The following GRM8 variants were observed in gnomAD, a reference collection of about 807,000 sequenced individuals.
GRM8 encodes the protein glutamate metabotropic receptor 8.
Under a neutral mutation model 87.2 loss-of-function variants are expected in GRM8, and 47 were observed. The observed-to-expected ratio is 0.54, with a 90% confidence interval of 0.43 to 0.69. The LOEUF is 0.69. Ranked by LOEUF, GRM8 falls within the 30% of genes least tolerant of loss-of-function variation. The pLI, the probability that GRM8 is intolerant of heterozygous loss-of-function variation, is 0.00. For synonymous variants in GRM8, 396 were observed against 404.5 expected (o/e 0.98, Z 0.25); for missense variants, 1,019 against 1,139.2 (o/e 0.89, Z 1.52).
At chr7:126,866,050 G>A (rs1242102483) in intron 6 of GRM8, among the ~76,000 whole-genome samples, 2 of 152,164 alleles carry the variant, frequency 1.3e-5, no homozygotes, top group Admixed American at 6.5e-5. Context: ...TGCCAGCAAC[G>A]TAGGACATTT....
chr7:126,951,788 A>T (rs1243595162), intron 3 of GRM8, among the ~76,000 whole-genome samples: 1 of 152,064 alleles, frequency 6.6e-6, no homozygotes, highest in Admixed American at 6.6e-5. Flanking sequence ...AAAAGCTAAA[A>T]GTGAACCCTG....
At chr7:126,886,201 C>T (rs1800482352) in intron 6 of GRM8, among the ~76,000 whole-genome samples, 1 of 152,072 alleles carries the variant, frequency 6.6e-6, no homozygotes, top group South Asian at 2.1e-4. Context: ...TGAGCTTCCC[C>T]ACATTATTGC....
intron 2 of GRM8, among the ~76,000 whole-genome samples, chr7:127,201,765 T>C (rs948898029): frequency 6.6e-6 from 1 of 152,108 alleles, no homozygotes; most frequent in Non-Finnish European, 1.5e-5. Context: ...TGAGTACCAA[T>C]AGGGTGAAGT....
At chr7:126,867,654 A>C (rs1198524420) in intron 6 of GRM8, among the ~76,000 whole-genome samples, 1 of 152,216 alleles carries the variant, frequency 6.6e-6, no homozygotes, top group Non-Finnish European at 1.5e-5. Flanking sequence ...AGTTGGAACA[A>C]AAAATAACAA....
chr7:127,029,546 G>A (rs985001917), intron 3 of GRM8, among the ~76,000 whole-genome samples: 9 of 152,170 alleles, frequency 5.9e-5, no homozygotes, highest in Non-Finnish European at 1.2e-4. Flanking sequence ...ATTTAGGATA[G>A]TTAGCTCTTC....
chr7:126,889,056 G>C (rs1025517340), intron 6 of GRM8, among the ~76,000 whole-genome samples: 1 of 152,048 alleles, frequency 6.6e-6, no homozygotes, highest in Admixed American at 6.6e-5. Context: ...GTAAGGGAAA[G>C]GTGCATAAAG....
At chr7:126,625,566 TA>T (rs915642627) in intron 7 of GRM8, among the ~76,000 whole-genome samples, 1 of 152,190 alleles carries the variant, frequency 6.6e-6, no homozygotes, top group Non-Finnish European at 1.5e-5. Context: ...GATCCTTGGA[TA>T]AAATGTGCTT....
intron 7 of GRM8, among the ~76,000 whole-genome samples, chr7:126,756,101 GA>G (rs1816979100): frequency 6.6e-6 from 1 of 151,676 alleles, no homozygotes; most frequent in African/African-American, 2.4e-5. Context: ...CACTTTTCAT[GA>G]CATTTGAACA....
chr7:126,813,119 G>T (rs1046000172), intron 6 of GRM8, among the ~76,000 whole-genome samples: 1 of 151,930 alleles, frequency 6.6e-6, no homozygotes, highest in East Asian at 1.9e-4. Flanking sequence ...TATGACCCAG[G>T]TTTACCTATA....
chr7:126,505,483 C>G (rs1401071597), intron 9 of GRM8, among the ~76,000 whole-genome samples: 1 of 152,036 alleles, frequency 6.6e-6, no homozygotes, highest in Admixed American at 6.6e-5. Flanking sequence ...GAATCTAGGA[C>G]AAGAACTGAG....
intron 6 of GRM8, among the ~76,000 whole-genome samples, chr7:126,902,124 T>C (rs1020724349): frequency 1.3e-5 from 2 of 152,198 alleles, no homozygotes; most frequent in Admixed American, 6.5e-5. Context: ...AAGAAAATAA[T>C]AGTATTATAG....
At chr7:127,183,133 T>C (rs1166045892) in intron 2 of GRM8, among the ~76,000 whole-genome samples, 1 of 151,946 alleles carries the variant, frequency 6.6e-6, no homozygotes, top group Non-Finnish European at 1.5e-5. Flanking sequence ...AAAAGGAAGC[T>C]GGAATAACTA....
intron 8 of GRM8, among the ~76,000 whole-genome samples, chr7:126,588,420 A>G (rs1796366673): frequency 1.3e-5 from 2 of 152,214 alleles, no homozygotes; most frequent in African/African-American, 2.4e-5. Context: ...TAAGAGTTGA[A>G]CTACCATTCG....
intron 2 of GRM8, among the ~76,000 whole-genome samples, chr7:127,165,284 C>T (rs576207002): frequency 6.7e-6 from 1 of 149,570 alleles, no homozygotes; most frequent in African/African-American, 2.4e-5. Flanking sequence ...GACTGGGATG[C>T]CCTTTCTAAA....
At chr7:126,488,507 T>C (rs1807622194) in intron 9 of GRM8, among the ~76,000 whole-genome samples, 1 of 152,030 alleles carries the variant, frequency 6.6e-6, no homozygotes, top group Non-Finnish European at 1.5e-5. Context: ...ACTCTATTGA[T>C]AACCTTGAGT....
At chr7:126,934,221 CA>C (rs1200789727) in intron 3 of GRM8, among the ~76,000 whole-genome samples, 1 of 151,836 alleles carries the variant, frequency 6.6e-6, no homozygotes, top group Non-Finnish European at 1.5e-5. Context: ...TTTAAGAAGG[CA>C]AAAAAATGGT....
At chr7:126,473,182 G>C (rs1011864472) in intron 9 of GRM8, among the ~76,000 whole-genome samples, 3 of 152,162 alleles carry the variant, frequency 2.0e-5, no homozygotes. Flanking sequence ...GATCCACCTA[G>C]AGCTTGCACC....
At chr7:127,210,916 C>T (rs1796177139) in intron 2 of GRM8, among the ~76,000 whole-genome samples, 1 of 152,174 alleles carries the variant, frequency 6.6e-6, no homozygotes, top group Non-Finnish European at 1.5e-5. Flanking sequence ...CACATAGGTA[C>T]ATTAGACAGA....
intron 2 of GRM8, among the ~76,000 whole-genome samples, chr7:127,238,281 T>C (rs1415715325): frequency 1.3e-5 from 2 of 151,282 alleles, no homozygotes; most frequent in Non-Finnish European, 2.9e-5. Context: ...TGCCCCATGT[T>C]AGCTGATATA....
Sources: gnomAD v4.1 joint callset for allele counts (sites outside exome capture counted in the v4.1 genomes callset) on GRCh38, gnomAD v4.1.1 for gene constraint, MANE v1.5 for transcripts, NCBI Gene and HGNC (gene_info 2026-07-23, HGNC 2026-07-21) for gene names.